Variants in SLC22A15 observed in about 807,000 individuals in gnomAD.
The protein encoded by SLC22A15 is flipt 1.
Under a neutral mutation model 62.7 loss-of-function variants are expected in SLC22A15, and 45 were observed. The observed-to-expected ratio is 0.72, with a 90% CI of 0.56 to 0.92. The LOEUF (loss-of-function observed/expected upper bound fraction) is 0.92. SLC22A15 is among the 40% of genes least tolerant of loss of function. The probability of loss-of-function intolerance (pLI) is 0.00; values close to 1 mark genes in which losing one functional copy is unlikely to be tolerated. For synonymous variants in SLC22A15, 264 were observed against 267.0 expected, an observed-to-expected ratio of 0.99 and a Z score of 0.11; for missense variants, 622 against 665.6, an observed-to-expected ratio of 0.93 and a Z score of 0.72.
chr1:116,020,325 G>A (rs1656759959), intron 3 of SLC22A15, among the ~76,000 whole-genome samples: 1 of 151,362 alleles, frequency 6.6e-6, no homozygotes, highest in African/African-American at 2.4e-5. Context: ...GGCCGAGGTG[G>A]GTGGATCACG....
At chr1:116,065,490 G>A (rs1658477516) in intron 10 of SLC22A15, among the ~76,000 whole-genome samples, 1 of 152,112 alleles carries the variant, frequency 6.6e-6, no homozygotes, top group Non-Finnish European at 1.5e-5. Flanking sequence ...TTCCTACAAG[G>A]TTAGAAGAAG....
chr1:116,066,746 G>T (rs1342997769), intron 11 of SLC22A15, 38 bp downstream of exon 11: 1 of 1,543,076 alleles, frequency 6.5e-7, no homozygotes, highest in Non-Finnish European at 8.8e-7. Context: ...CGCTTGGATA[G>T]TGGCAGTTAA....
Position 116,026,851 on chromosome 1 carries a change from A to C in SLC22A15, c.599-42A>C, listed in dbSNP as rs759528591. ...CTTGGGGTTGGAAATGGTGCTGCAGATGGTGCTTTCTCCAGTGACAGTTCT... is the reference window on the plus strand; with the variant it reads ...CTTGGGGTTGGAAATGGTGCTGCAGCTGGTGCTTTCTCCAGTGACAGTTCT... On this transcript the variant is annotated intron_variant, in intron 4 of 11. Coordinates refer to ENST00000369503, the MANE Select transcript of SLC22A15 (RefSeq NM_018420.3). 5 of 1,606,458 alleles carry C rather than the reference A, an allele frequency of 3.1e-6. No homozygotes were observed. In the African/African-American group the frequency reaches 5.4e-5, roughly 17 times the overall value.
At chr1:116,063,591 G>T (rs1658430569) in intron 9 of SLC22A15, among the ~76,000 whole-genome samples, 1 of 152,128 alleles carries the variant, frequency 6.6e-6, no homozygotes, top group African/African-American at 2.4e-5. Context: ...AAGCTTCATG[G>T]TTCTTTCTGC....
Position 115,976,711 on chromosome 1 carries a change from G to C in SLC22A15, c.84G>C (p.Leu28=). 1 of 1,581,166 alleles carries C rather than the reference G, an allele frequency of 6.3e-7. No individual in the cohort carries two copies. Among genetic ancestry groups the C allele is most frequent in the Non-Finnish European group, 8.6e-7 (1 of 1,165,466 alleles). ...MYLCFLLAVL[L]QLYVATEAIL... is the part of the protein sequence containing the mutation. ...TGTGCTTCCTGCTGGCCGTGCTGCT[G>C]CAGGTAAGTCCCCGCGGCCCCGCAG... Residue 28 remains leucine, a synonymous_variant, in exon 1 of 12, where the codon CTG becomes CTC. Transcript: ENST00000369503.
intron 5 of SLC22A15, among the ~76,000 whole-genome samples, chr1:116,029,436 G>A (rs1227417279): frequency 6.6e-6 from 1 of 152,158 alleles, no homozygotes; most frequent in African/African-American, 2.4e-5. Context: ...GCTATGTAGA[G>A]GACGGCATGT....
intron 3 of SLC22A15, 93 bp from the exon 4 acceptor site, chr1:116,020,624 TACAA>T: frequency 9.5e-7 from 1 of 1,049,822 alleles, no homozygotes; most frequent in Non-Finnish European, 1.3e-6. Flanking sequence ...AATTTAAGTT[TACAA>T]ACATTTATTT....
In SLC22A15 at chr1:116,019,629, T is replaced by G. The variant is rs1217316575; in HGVS notation, c.348T>G (p.Ser116=). 3 of 1,613,040 alleles carry G rather than the reference T, an allele frequency of 1.9e-6. No individual in the cohort carries two copies. The highest frequency in any genetic ancestry group is 1.6e-4 in the Middle Eastern group (1 of 6,082). Residue 116 remains serine, a synonymous_variant, in exon 3 of 12, where the codon TCT becomes TCG. Transcript: ENST00000369503. ...NRSYKVSAAS[S]FFFSGVFVGV... ...CCTACAAAGTCAGTGCAGCAAGCTC[T>G]TTTTTCTTCAGTGGTGTATTTGTTG...
At chr1:116,031,613 TTAAC>T (rs1367680535) in intron 6 of SLC22A15, 32 bp downstream of exon 6, 12 of 1,608,098 alleles carry the variant, frequency 7.5e-6, no homozygotes, top group South Asian at 1.1e-5. Flanking sequence ...CTGTTGCTCT[TTAAC>T]TAAGGTTGCT....
intron 6 of SLC22A15, chr1:116,032,656 A>G: frequency 1.0e-6 from 1 of 983,706 alleles, no homozygotes. Context: ...GAACCATCAC[A>G]GCACTAGGAA....
intron 1 of SLC22A15, among the ~76,000 whole-genome samples, chr1:115,977,116 G>T (rs1654346523): frequency 6.6e-6 from 1 of 152,214 alleles, no homozygotes; most frequent in Non-Finnish European, 1.5e-5. Context: ...TGTCACCTTG[G>T]AATCTAGGAC....
chr1:115,994,424 A>G (rs539728740), intron 2 of SLC22A15, among the ~76,000 whole-genome samples: 1 of 152,358 alleles, frequency 6.6e-6, no homozygotes, highest in African/African-American at 2.4e-5. Flanking sequence ...AATTTGTCTT[A>G]ACTCAGAAGC....
At chr1:116,008,444 T>C (rs977717373) in intron 2 of SLC22A15, among the ~76,000 whole-genome samples, 4 of 152,184 alleles carry the variant, frequency 2.6e-5, no homozygotes, top group Admixed American at 2.6e-4. Flanking sequence ...ATTGTTAGGT[T>C]AATGTATAGC....
intron 2 of SLC22A15, among the ~76,000 whole-genome samples, chr1:115,995,566 T>G: frequency 6.6e-6 from 1 of 152,178 alleles, no homozygotes; most frequent in East Asian, 1.9e-4. Flanking sequence ...TGGTTATTTC[T>G]TAACTCCAGC....
At chr1:116,022,845 C>T (rs1302218147) in intron 4 of SLC22A15, among the ~76,000 whole-genome samples, 1 of 152,130 alleles carries the variant, frequency 6.6e-6, no homozygotes, top group Non-Finnish European at 1.5e-5. Flanking sequence ...ATGAGAGTTC[C>T]CTGAAGACCA....
rs12088337 is a variant in SLC22A15 at position 115,999,441 on chromosome 1, C to T, written c.300+7198C>T. Among the ~76,000 whole-genome samples the T allele has an allele frequency of 5.8e-3, 884 of 151,136 alleles. 9 individuals are homozygous for T. The highest frequency in any genetic ancestry group is 0.02 in the African/African-American group (831 of 41,194). On this transcript the variant is annotated intron_variant, in intron 2 of 11. Transcript: ENST00000369503. ...TTGGGGTTTATCTCTCTTTTTAGTC[C>T]TAATAATATTTACTTCATATATTTG... is the stretch of plus-strand genomic sequence containing the variant.
chr1:116,066,760 A>G (rs999997496), intron 11 of SLC22A15, 52 bp downstream of exon 11: 15 of 1,506,328 alleles, frequency 1.0e-5, no homozygotes, highest in Non-Finnish European at 1.3e-5. Flanking sequence ...CAGTTAATGA[A>G]AAAAAGAAGG....
chr1:115,977,848 T>C (rs558407162), intron 1 of SLC22A15, among the ~76,000 whole-genome samples: 86 of 152,248 alleles, frequency 5.6e-4, no homozygotes, highest in African/African-American at 1.9e-3. Context: ...TGGGGGAAGG[T>C]AGGGGTTGAC....
intron 4 of SLC22A15, among the ~76,000 whole-genome samples, chr1:116,024,264 T>G (rs1656984189): frequency 6.6e-6 from 1 of 152,094 alleles, no homozygotes; most frequent in African/African-American, 2.4e-5. Context: ...CCAGTAGAGA[T>G]GGGGAGAGCA....
Sources: gnomAD v4.1 joint callset for allele counts (sites outside exome capture counted in the v4.1 genomes callset) on GRCh38, gnomAD v4.1.1 for gene constraint, MANE v1.5 for transcripts, NCBI Gene and HGNC (gene_info 2026-07-23, HGNC 2026-07-21) for gene names.